The following DOCK3 variants were observed in gnomAD, a reference collection of about 807,000 sequenced individuals.
DOCK3 encodes the protein dedicator of cytokinesis 3.
A neutral mutation model predicts 265.6 loss-of-function variants in DOCK3; 60 were observed. The ratio of observed to expected loss-of-function variants is 0.23; its 90% CI spans 0.18 to 0.28. DOCK3 has a LOEUF of 0.28. DOCK3 is among the 10% of genes least tolerant of loss of function. The pLI, the probability that DOCK3 is intolerant of heterozygous loss-of-function variation, is 1.00. For synonymous variants in DOCK3, 881 were observed against 938.0 expected (o/e 0.94, Z 1.11); for missense variants, 1,981 against 2,594.3 (o/e 0.76, Z 5.14).
chr3:50,874,470 C>T (rs1021252072), intron 3 of DOCK3, among the ~76,000 whole-genome samples: 2 of 151,544 alleles, frequency 1.3e-5, no homozygotes, highest in African/African-American at 4.9e-5. Flanking sequence ...TTCTACTGCA[C>T]TCCAGCCTGG....
chr3:50,688,130 C>G (rs1027115797), intron 1 of DOCK3, among the ~76,000 whole-genome samples: 1 of 152,202 alleles, frequency 6.6e-6, no homozygotes, highest in Non-Finnish European at 1.5e-5. Flanking sequence ...CAGCAGCAGG[C>G]AGGATCAACT....
chr3:51,332,903 A>G, intron 33 of DOCK3, 98 bp from the exon 34 acceptor site: 1 of 1,526,062 alleles, frequency 6.6e-7, no homozygotes, highest in Non-Finnish European at 9.0e-7. Flanking sequence ...CCTCAGTGGC[A>G]TCCTTAGGAA....
intron 6 of DOCK3, among the ~76,000 whole-genome samples, chr3:51,065,559 G>C (rs2081561584): frequency 6.6e-6 from 1 of 152,314 alleles, no homozygotes; most frequent in South Asian, 2.1e-4. Flanking sequence ...TTAAAAGAGT[G>C]TCTAAGGAAC....
chr3:50,923,203 A>G (rs116771349), intron 4 of DOCK3, among the ~76,000 whole-genome samples: 20,080 of 152,086 alleles, frequency 0.13, 1,752 homozygotes, highest in Non-Finnish European at 0.18. Context: ...CATTTTTGCA[A>G]TTGCAAATTG....
At chr3:50,829,719 G>A (rs2107082320) in intron 2 of DOCK3, among the ~76,000 whole-genome samples, 1 of 152,256 alleles carries the variant, frequency 6.6e-6, no homozygotes, top group South Asian at 2.1e-4. Flanking sequence ...CCAAAGCAAA[G>A]TTTTTGTCAG....
chr3:51,336,571 C>A, intron 35 of DOCK3, among the ~76,000 whole-genome samples: 1 of 152,178 alleles, frequency 6.6e-6, no homozygotes, highest in East Asian at 1.9e-4. Flanking sequence ...CTTCCCTGCT[C>A]ACCCTTCAGA....
chr3:51,096,120 G>A (rs1249801563), intron 9 of DOCK3, among the ~76,000 whole-genome samples: 1 of 152,018 alleles, frequency 6.6e-6, no homozygotes, highest in Non-Finnish European at 1.5e-5. Context: ...TCTTGGGGTT[G>A]CTCTTCTCAA....
chr3:50,970,987 A>G (rs1342162877), intron 5 of DOCK3, among the ~76,000 whole-genome samples: 1 of 35,474 alleles, frequency 2.8e-5, no homozygotes, highest in African/African-American at 9.3e-5. Flanking sequence ...TATTTTTTTT[A>G]TTTTAATTTT....
chr3:50,778,557 G>A (rs2041738758), intron 1 of DOCK3, 118 bp from the exon 2 acceptor site: 1 of 632,990 alleles, frequency 1.6e-6, no homozygotes. Context: ...TTTAGAAAGA[G>A]GAATTAGTAA....
At chr3:50,821,028 A>G (rs1015347500) in intron 2 of DOCK3, among the ~76,000 whole-genome samples, 2 of 151,472 alleles carry the variant, frequency 1.3e-5, no homozygotes, top group Non-Finnish European at 2.9e-5. Context: ...TAAGTTCCTT[A>G]TAGATTCTGG....
At position 51,326,583 on chromosome 3, in the gene DOCK3, TTTGTTGTTGTTGTTGTTGTTG is replaced by T. The variant is rs148344271; in HGVS notation, c.3403-3522_3403-3502del. ...GCGTGAGCCCCCACGCCTGGCATGTTTTGTTGTTGTTGTTGTTGTTGTTGTTGTTGTTGTTGTTGTTGTTGT... is the reference window on the plus strand; with the variant it reads ...GCGTGAGCCCCCACGCCTGGCATGTTTTGTTGTTGTTGTTGTTGTTGTTGT... On this transcript the variant is annotated intron_variant, in intron 32 of 52. Coordinates refer to ENST00000266037, the MANE Select transcript of DOCK3 (RefSeq NM_004947.5). Among the ~76,000 whole-genome samples the T allele has an allele frequency of 3.7e-3, 515 of 140,110 alleles. 1 individual carries two copies. The highest frequency in any genetic ancestry group is 0.012 in the African/African-American group (433 of 37,224). 91.9% of individuals were successfully genotyped at this position (140,110 alleles called of 152,430 possible). A position where few individuals can be genotyped will look rare whatever the true frequency, so the allele number is the denominator to read the frequency against.
chr3:50,904,632 G>A (rs1218602753), intron 4 of DOCK3, among the ~76,000 whole-genome samples: 1 of 151,186 alleles, frequency 6.6e-6, no homozygotes, highest in Non-Finnish European at 1.5e-5. Flanking sequence ...TAAATTTGTA[G>A]ATTCTTTTTA....
chr3:50,720,075 TAATG>T, intron 1 of DOCK3: 1 of 206,282 alleles, frequency 4.8e-6, no homozygotes, highest in South Asian at 8.9e-5. Flanking sequence ...ACTCTTTTAA[TAATG>T]CTCTAGAATA....
At position 51,271,139 on chromosome 3, in the gene DOCK3, T is replaced by C. The variant is rs998791924; in HGVS notation, c.2548+132T>C. 9 of 1,072,548 alleles carry C rather than the reference T, an allele frequency of 8.4e-6. No individual in the cohort carries two copies. The Admixed American group carries it at 1.8e-4, about 22-fold the overall frequency. 66.4% of individuals were successfully genotyped at this position (1,072,548 alleles called of 1,614,324 possible). A position where few individuals can be genotyped will look rare whatever the true frequency, so the allele number is the denominator to read the frequency against. On this transcript the variant is annotated intron_variant, in intron 24 of 52. Coordinates refer to ENST00000266037, the MANE Select transcript of DOCK3 (RefSeq NM_004947.5). Reference sequence around the variant, plus strand: ...TGCAAGAAACCAGTAACCCTTAAGATACAGAATTTTTTGATAAACTATAAT... The same window carrying C: ...TGCAAGAAACCAGTAACCCTTAAGACACAGAATTTTTTGATAAACTATAAT...
chr3:51,266,320 A>G (rs2080163410), intron 23 of DOCK3, among the ~76,000 whole-genome samples: 1 of 152,220 alleles, frequency 6.6e-6, no homozygotes, highest in Non-Finnish European at 1.5e-5. Flanking sequence ...CAGAATTAGA[A>G]AAAACTACTT....
chr3:50,683,560 G>A (rs34866096), intron 1 of DOCK3, among the ~76,000 whole-genome samples: 14,372 of 152,180 alleles, frequency 0.094, 835 homozygotes, highest in Non-Finnish European at 0.12. Flanking sequence ...AGTGCCAGCC[G>A]TACCACCTTT....
intron 9 of DOCK3, among the ~76,000 whole-genome samples, chr3:51,094,608 A>T (rs1207539359): frequency 6.6e-6 from 1 of 151,892 alleles, no homozygotes; most frequent in Non-Finnish European, 1.5e-5. Context: ...TTTACAAAAA[A>T]ATGAACTCCT....
intron 2 of DOCK3, among the ~76,000 whole-genome samples, chr3:50,831,673 A>G (rs1390730982): frequency 6.6e-6 from 1 of 152,204 alleles, no homozygotes; most frequent in East Asian, 1.9e-4. Flanking sequence ...TATTGTGAAT[A>G]GTGCTGCAAT....
chr3:50,927,196 A>C (rs1267339384), intron 4 of DOCK3, among the ~76,000 whole-genome samples: 1 of 152,128 alleles, frequency 6.6e-6, no homozygotes, highest in African/African-American at 2.4e-5. Flanking sequence ...TCTCAGTGAA[A>C]CATACCTTGA....
Sources: allele counts gnomAD v4.1 joint callset (sites outside exome capture counted in the v4.1 genomes callset), GRCh38; gene constraint gnomAD v4.1.1; transcripts MANE v1.5; gene names NCBI Gene and HGNC (gene_info 2026-07-23, HGNC 2026-07-21).